The following LARGE1 variants were observed in gnomAD, a reference collection of about 807,000 sequenced individuals.
LARGE1 encodes the protein xylosyl- and glucuronyltransferase LARGE1.
Under a neutral mutation model 87.6 loss-of-function variants are expected in LARGE1, and 43 were observed. The ratio of observed to expected loss-of-function variants is 0.49; its 90% CI spans 0.38 to 0.63. The LOEUF (loss-of-function observed/expected upper bound fraction) is 0.63. LARGE1 is among the 30% of genes least tolerant of loss of function. LARGE1 has a pLI of 0.00. For synonymous variants in LARGE1, 434 were observed against 394.6 expected (o/e 1.10, Z -1.18); for missense variants, 802 against 1,000.2 (o/e 0.80, Z 2.67).
intron 1 of LARGE1, among the ~76,000 whole-genome samples, chr22:33,764,870 G>T (rs1051379281): frequency 6.6e-6 from 1 of 152,198 alleles, no homozygotes; most frequent in Non-Finnish European, 1.5e-5. Flanking sequence ...AAGTCTGCAC[G>T]TGTTCAGTAC....
At chr22:33,128,943 G>C in the LARGE1 span, among the ~76,000 whole-genome samples, 1 of 152,142 alleles carries the variant, frequency 6.6e-6, no homozygotes, top group Non-Finnish European at 1.5e-5. Flanking sequence ...GAGAGTCAGG[G>C]GAGGGAGAAC....
At chr22:33,450,280 T>C (rs1430241873) in intron 6 of LARGE1, among the ~76,000 whole-genome samples, 1 of 151,948 alleles carries the variant, frequency 6.6e-6, no homozygotes, top group Non-Finnish European at 1.5e-5. Flanking sequence ...CAAGGGCCTG[T>C]AGGATATTTT....
At chr22:33,374,444 C>T (rs1403202952) in intron 9 of LARGE1, among the ~76,000 whole-genome samples, 4 of 152,178 alleles carry the variant, frequency 2.6e-5, no homozygotes, top group African/African-American at 7.2e-5. Context: ...TAAGATTCCA[C>T]GTAAGTTTCT....
chr22:33,801,341 G>C (rs574182722), intron 1 of LARGE1, among the ~76,000 whole-genome samples: 2 of 152,244 alleles, frequency 1.3e-5, no homozygotes, highest in Admixed American at 6.5e-5. Flanking sequence ...TCCCACCAAA[G>C]ACACAGTTTC....
chr22:33,835,289 T>C (rs958505630), intron 1 of LARGE1, among the ~76,000 whole-genome samples: 3 of 152,260 alleles, frequency 2.0e-5, no homozygotes, highest in Admixed American at 2.0e-4. Flanking sequence ...CTTTGGAGTC[T>C]GTAAAGGCAG....
intron 6 of LARGE1, among the ~76,000 whole-genome samples, chr22:33,473,339 TTTTTA>T (rs1325698003): frequency 6.6e-6 from 1 of 150,696 alleles, no homozygotes; most frequent in East Asian, 1.9e-4. Context: ...CGGGTAGTTC[TTTTTA>T]TTTTTTATTT....
the LARGE1 span, among the ~76,000 whole-genome samples, chr22:33,086,261 C>T: frequency 2.6e-5 from 4 of 152,064 alleles, no homozygotes; most frequent in Non-Finnish European, 4.4e-5. Context: ...TTTCCCACAT[C>T]TAAGTAAAAT....
chr22:33,342,598 C>T (rs756683888), intron 9 of LARGE1, among the ~76,000 whole-genome samples: 30 of 152,162 alleles, frequency 2.0e-4, no homozygotes, highest in Non-Finnish European at 3.7e-4. Flanking sequence ...GTGAAATTTA[C>T]AGAGAAATGA....
chr22:33,911,685 T>C (rs2065642228), intron 1 of LARGE1, among the ~76,000 whole-genome samples: 2 of 152,216 alleles, frequency 1.3e-5, no homozygotes, highest in South Asian at 2.1e-4. Context: ...ATTCTTCTCA[T>C]TCCAGATAAG....
chr22:33,618,889 C>T (rs738965), intron 4 of LARGE1, among the ~76,000 whole-genome samples: 112,801 of 152,150 alleles, frequency 0.74, 42,041 homozygotes, highest in African/African-American at 0.82. Flanking sequence ...CTTTCCTAAT[C>T]GGTTTTCTAC....
At chr22:33,619,454 T>C (rs957332287) in intron 4 of LARGE1, among the ~76,000 whole-genome samples, 4 of 148,662 alleles carry the variant, frequency 2.7e-5, no homozygotes, top group African/African-American at 5.0e-5. Flanking sequence ...AGTTGGGAGG[T>C]TGAGGAAGGA....
intron 11 of LARGE1, among the ~76,000 whole-genome samples, chr22:33,174,182 G>A (rs1922734861): frequency 6.6e-6 from 1 of 152,158 alleles, no homozygotes; most frequent in African/African-American, 2.4e-5. Flanking sequence ...TCAGGATTAA[G>A]AAACTCACCC....
intron 7 of LARGE1, among the ~76,000 whole-genome samples, chr22:33,423,590 G>A (rs2066771683): frequency 6.7e-6 from 1 of 150,358 alleles, no homozygotes; most frequent in Non-Finnish European, 1.5e-5. Context: ...TGAGGCGCGG[G>A]AATGGCTTGA....
At chr22:33,234,823 G>A (rs1286797682) in intron 11 of LARGE1, among the ~76,000 whole-genome samples, 1 of 152,116 alleles carries the variant, frequency 6.6e-6, no homozygotes, top group Non-Finnish European at 1.5e-5. Context: ...TTACAGGTGT[G>A]AGCCACCACA....
At chr22:33,421,107 T>C (rs554591183) in intron 7 of LARGE1, among the ~76,000 whole-genome samples, 3 of 152,218 alleles carry the variant, frequency 2.0e-5, no homozygotes, top group East Asian at 3.9e-4. Flanking sequence ...GAAAGTTGCT[T>C]GAACCCAGGA....
chr22:33,490,425 A>T (rs1013222306), intron 6 of LARGE1, among the ~76,000 whole-genome samples: 1 of 151,906 alleles, frequency 6.6e-6, no homozygotes, highest in African/African-American at 2.4e-5. Flanking sequence ...TAAATGAAAT[A>T]GTGCATGTAA....
At chr22:33,535,160 TG>T (rs2077005957) in intron 6 of LARGE1, among the ~76,000 whole-genome samples, 1 of 152,194 alleles carries the variant, frequency 6.6e-6, no homozygotes, top group Non-Finnish European at 1.5e-5. Context: ...TTCATCTCCT[TG>T]GTTTCACTCC....
intron 1 of LARGE1, among the ~76,000 whole-genome samples, chr22:33,795,692 G>T (rs1181933632): frequency 6.6e-6 from 1 of 152,132 alleles, no homozygotes; most frequent in East Asian, 1.9e-4. Flanking sequence ...AAAAAAGGAT[G>T]CGTTCAGGGA....
chr22:33,242,223 C>T (rs1164040685), intron 11 of LARGE1, among the ~76,000 whole-genome samples: 1 of 152,062 alleles, frequency 6.6e-6, no homozygotes, highest in African/African-American at 2.4e-5. Flanking sequence ...CAGGTGGGAA[C>T]CCTGAATCAC....
Sources: allele counts gnomAD v4.1 joint callset (sites outside exome capture counted in the v4.1 genomes callset), GRCh38; gene constraint gnomAD v4.1.1; transcripts MANE v1.5; gene names NCBI Gene and HGNC (gene_info 2026-07-23, HGNC 2026-07-21).